The following SERPINF1 variants were observed in gnomAD, a reference collection of about 807,000 sequenced individuals.
SERPINF1 encodes the protein serpin family F member 1.
In SERPINF1, 29 loss-of-function variants were observed where a neutral mutation model predicts 37.3. That is an observed-to-expected ratio of 0.78 (90% confidence interval 0.58 to 1.06). The LOEUF is 1.06. SERPINF1 is among the 50% of genes least tolerant of loss of function. The pLI is 0.00. For missense variants in SERPINF1, 553 were observed against 532.2 expected (o/e 1.04, Z -0.38); for synonymous variants, 281 against 227.9 (o/e 1.23, Z -2.10).
chr17:1,776,678 C>A lies in SERPINF1; in HGVS notation c.933C>A (p.Val311=). The A allele has an allele frequency of 6.2e-7, 1 of 1,613,424 alleles. No individual in the cohort carries two copies. The highest frequency in any genetic ancestry group is 1.1e-5 in the South Asian group (1 of 91,014). ...GAGAACTGAAGACCGTGCAGGCGGT[C>A]CTCACTGTCCCCAAGCTGAAGCTGA... is the stretch of plus-strand genomic sequence containing the variant. ...IDRELKTVQA[V]LTVPKLKLSY... Residue 311 remains valine (V), a synonymous_variant, in exon 7 of 8, where the codon GTC becomes GTA. Transcript: ENST00000254722.
chr17:1,766,659 A>C (rs1461301515), intron 1 of SERPINF1: 1 of 485,560 alleles, frequency 2.1e-6, no homozygotes, highest in Admixed American at 3.6e-5. Context: ...GCACAAGCTT[A>C]TGGTATGACT....
intron 2 of SERPINF1, among the ~76,000 whole-genome samples, chr17:1,769,143 C>T (rs1907564260): frequency 6.6e-6 from 1 of 151,862 alleles, no homozygotes; most frequent in African/African-American, 2.4e-5. Context: ...GGCGCGGTGG[C>T]TCATGCCTGT....
At chr17:1,763,330 A>G (rs1201765684) in intron 1 of SERPINF1, among the ~76,000 whole-genome samples, 5 of 152,232 alleles carry the variant, frequency 3.3e-5, no homozygotes, top group Non-Finnish European at 5.9e-5. Flanking sequence ...CGTGGAGGCA[A>G]GATCACAAAA....
chr17:1,770,388 T>C (rs1907654229), intron 3 of SERPINF1: 6 of 434,962 alleles, frequency 1.4e-5, no homozygotes, highest in Admixed American at 1.1e-4. Flanking sequence ...AGGTGTGGGC[T>C]TGCCCTCACC....
At chr17:1,766,529 C>G (rs12051740) in intron 1 of SERPINF1, 43,198 of 151,334 alleles carry the variant, frequency 0.29, 7,091 homozygotes, top group Non-Finnish European at 0.38. Context: ...GTACTCCAGC[C>G]TGGGCGACAG....
At chr17:1,762,480 C>T (rs992372388) in intron 1 of SERPINF1, among the ~76,000 whole-genome samples, 12 of 152,176 alleles carry the variant, frequency 7.9e-5, no homozygotes, top group African/African-American at 1.4e-4. Context: ...GACTGGAGCC[C>T]GAGGCAAGGA....
intron 1 of SERPINF1, among the ~76,000 whole-genome samples, chr17:1,764,533 C>T (rs953408820): frequency 6.6e-6 from 1 of 152,240 alleles, no homozygotes; most frequent in Non-Finnish European, 1.5e-5. Context: ...GTCTGCGGCT[C>T]GAGGCGGGGT....
At chr17:1,772,878 G>T (rs1015297411) in intron 5 of SERPINF1, among the ~76,000 whole-genome samples, 21 of 152,118 alleles carry the variant, frequency 1.4e-4, no homozygotes, top group Admixed American at 1.1e-3. Flanking sequence ...AAGAGACAGG[G>T]TGTCACTATG....
rs759511614 is a variant in SERPINF1 at position 1,777,277 on chromosome 17, A to C, written c.1088A>C (p.Glu363Ala). Reference sequence around the variant, plus strand: ...CAGGTGGAACACCGGGCTGGCTTTGAGTGGAACGAGGATGGGGCGGGAACC... The same window carrying C: ...CAGGTGGAACACCGGGCTGGCTTTGCGTGGAACGAGGATGGGGCGGGAACC... Reference protein sequence around the residue: ...LTQVEHRAGFEWNEDGAGTTP... With the variant: ...LTQVEHRAGFAWNEDGAGTTP... Residue 363 changes from glutamate (E) to alanine (A), a missense_variant, in exon 8 of 8, where the codon GAG becomes GCG. Physicochemically the swap from Glu to Ala is moderately radical, Grantham distance 107. Coordinates refer to ENST00000254722, the MANE Select transcript of SERPINF1 (RefSeq NM_002615.7). 15 of 1,613,958 alleles carry C rather than the reference A, an allele frequency of 9.3e-6. No homozygotes were observed. Among genetic ancestry groups the C allele is most frequent in the Non-Finnish European group, 1.3e-5 (15 of 1,180,012 alleles).
In SERPINF1 at chr17:1,771,949, C is replaced by G. The variant is rs750794062; in HGVS notation, c.517C>G (p.Pro173Ala). The G allele has an allele frequency of 1.5e-5, 24 of 1,613,982 alleles. No homozygotes were observed. Among genetic ancestry groups the G allele is most frequent in the Non-Finnish European group, 1.3e-5 (15 of 1,180,012 alleles). Residue 173 changes from proline to alanine, a missense_variant, in exon 5 of 8, where the codon CCT (proline) becomes GCT (alanine). Physicochemically the swap from Pro to Ala is conservative, Grantham distance 27. Transcript: ENST00000254722. The part of the protein sequence containing the change: ...GTRPRVLTGN[P>A]RLDLQEINNW... ...CAGGCCCAGAGTCCTGACGGGCAACCCTCGCTTGGACCTGCAAGAGATCAA... is the reference window on the plus strand; with the variant it reads ...CAGGCCCAGAGTCCTGACGGGCAACGCTCGCTTGGACCTGCAAGAGATCAA...
chr17:1,772,158 C>G (rs1255211557), intron 5 of SERPINF1, 83 bp downstream of exon 5: 1 of 1,400,434 alleles, frequency 7.1e-7, no homozygotes, highest in African/African-American at 1.4e-5. Context: ...ACTCTGTAGT[C>G]CTAACTGGAG....
intron 5 of SERPINF1, among the ~76,000 whole-genome samples, chr17:1,774,827 A>C (rs1157852228): frequency 6.6e-6 from 1 of 152,124 alleles, no homozygotes; most frequent in African/African-American, 2.4e-5. Context: ...CAACCAAATC[A>C]ACGTCTTGCC....
intron 5 of SERPINF1, among the ~76,000 whole-genome samples, chr17:1,772,981 C>T (rs1385210395): frequency 6.6e-6 from 1 of 152,148 alleles, no homozygotes; most frequent in Non-Finnish European, 1.5e-5. Context: ...CTTTCCACTT[C>T]TTGTTTGACC....
intron 1 of SERPINF1, among the ~76,000 whole-genome samples, chr17:1,763,345 C>G (rs758176423): frequency 2.6e-5 from 4 of 152,106 alleles, no homozygotes; most frequent in Non-Finnish European, 5.9e-5. Flanking sequence ...ACAAAAGCTT[C>G]TGTGTTTCTT....
At chr17:1,775,287 G>C in intron 6 of SERPINF1, 87 bp downstream of exon 6, 1 of 1,381,032 alleles carries the variant, frequency 7.2e-7, no homozygotes, top group Non-Finnish European at 1.0e-6. Flanking sequence ...AATGACCTTT[G>C]AGATCCGACA....
At position 1,777,547 on chromosome 17, in the gene SERPINF1, A is replaced by G; in HGVS notation, c.*101A>G. On this transcript the variant is annotated 3_prime_UTR_variant, in exon 8 of 8. Transcript: ENST00000254722. ...CCTGTAAGGTTTCAATGCATACAAT[A>G]AAAGAGCTTTATCCCTAACTTCTGT... The G allele has an allele frequency of 7.0e-7, 1 of 1,428,672 alleles. No individual in the cohort carries two copies. Among genetic ancestry groups the G allele is most frequent in the Non-Finnish European group, 9.8e-7 (1 of 1,019,422 alleles). The allele number at this position is 1,428,672 out of a possible 1,614,324, so 88.5% of individuals were successfully genotyped here.
intron 4 of SERPINF1, 176 bp from the exon 5 acceptor site, chr17:1,771,681 GGGGAAATCTGCTGCC>G: frequency 1.5e-6 from 1 of 651,354 alleles, no homozygotes; most frequent in Admixed American, 2.2e-5. Flanking sequence ...GGCGCGATGT[GGGGAAATCTGCTGCC>G]CCCCTGGCCA....
intron 3 of SERPINF1, 139 bp from the exon 4 acceptor site, chr17:1,770,881 TCCTTGGCCA>T (rs1907683181): frequency 1.0e-6 from 1 of 1,003,398 alleles, no homozygotes. Context: ...GGATGAAAAT[TCCTTGGCCA>T]CCTAGATTGT....
intron 5 of SERPINF1, among the ~76,000 whole-genome samples, chr17:1,772,708 G>A (rs549764487): frequency 4.6e-5 from 7 of 152,010 alleles, no homozygotes; most frequent in East Asian, 1.9e-4. Context: ...ACAGGCGCCC[G>A]CCACTGCGCC....
Sources: gnomAD v4.1 joint callset for allele counts (sites outside exome capture counted in the v4.1 genomes callset) on GRCh38, gnomAD v4.1.1 for gene constraint, MANE v1.5 for transcripts, NCBI Gene and HGNC (gene_info 2026-07-23, HGNC 2026-07-21) for gene names.